Variants in CLIC5 observed in about 807,000 individuals in gnomAD.
The protein encoded by CLIC5 is CLIC family member 5, also known as chloride intracellular channel protein 5.
Under a neutral mutation model 24.7 loss-of-function variants are expected in CLIC5, and 20 were observed. That is an observed-to-expected ratio of 0.81 (90% CI 0.57 to 1.18). CLIC5 has a LOEUF of 1.18. CLIC5 is among the 50% of genes most tolerant of loss of function. The pLI is 0.00. For synonymous variants in CLIC5, 159 were observed against 135.6 expected (o/e 1.17, Z -1.20); for missense variants, 341 against 326.1 (o/e 1.05, Z -0.35).
chr6:46,110,557 A>G, the CLIC5 span, among the ~76,000 whole-genome samples: 1 of 152,228 alleles, frequency 6.6e-6, no homozygotes, highest in Admixed American at 6.5e-5. Flanking sequence ...GTATGACCAG[A>G]CTGCTTTGAG....
Position 45,949,394 on chromosome 6 carries a change from C to A in CLIC5, c.174-13G>T, listed in dbSNP as rs757062154. 4.3e-6 allele frequency: 7 copies of A among 1,610,090 alleles called. No individual in the cohort carries two copies. The highest frequency in any genetic ancestry group is 4.2e-6 in the Non-Finnish European group (5 of 1,178,270). On this transcript the variant is annotated splice_polypyrimidine_tract_variant and intron_variant, in intron 2 of 5. Coordinates refer to ENST00000339561, the MANE Select transcript of CLIC5 (RefSeq NM_016929.5). ...GTCAGCTGGCTTTCTGTAGAGAGAG[C>A]AAGATTCAGGTGTTGGCTTACAGCA...
chr6:46,060,939 C>T (rs909056755), intron 1 of CLIC5, among the ~76,000 whole-genome samples: 2 of 152,168 alleles, frequency 1.3e-5, no homozygotes, highest in Non-Finnish European at 2.9e-5. Flanking sequence ...ACAGAAAGAA[C>T]GAACCCCCAA....
intron 1 of CLIC5, among the ~76,000 whole-genome samples, chr6:45,991,201 G>T (rs940121706): frequency 2.6e-5 from 4 of 152,226 alleles, no homozygotes; most frequent in African/African-American, 9.6e-5. Flanking sequence ...GCCTAAATCA[G>T]TTGCTTTTGA....
intron 1 of CLIC5, among the ~76,000 whole-genome samples, chr6:46,035,541 AT>A (rs2127457948): frequency 6.6e-6 from 1 of 152,200 alleles, no homozygotes; most frequent in South Asian, 2.1e-4. Flanking sequence ...ATCTTGCAGA[AT>A]TGTGTCTGAA....
At chr6:46,118,180 T>C in the CLIC5 span, among the ~76,000 whole-genome samples, 1 of 152,262 alleles carries the variant, frequency 6.6e-6, no homozygotes, top group African/African-American at 2.4e-5. Flanking sequence ...TTTCTCTTGC[T>C]TAGCATTTAT....
At chr6:46,043,004 G>A (rs538164263) in intron 1 of CLIC5, among the ~76,000 whole-genome samples, 21 of 152,304 alleles carry the variant, frequency 1.4e-4, no homozygotes, top group Non-Finnish European at 2.6e-4. Context: ...CAAGGAGCAA[G>A]GTTGCTGACT....
At chr6:46,006,002 A>ATATGTATATATATATATATT (rs1330895254) in intron 1 of CLIC5, among the ~76,000 whole-genome samples, 1 of 107,488 alleles carries the variant, frequency 9.3e-6, no homozygotes, top group African/African-American at 3.7e-5. Context: ...ATATATATTT[A>ATATGTATATATATATATATT]TATATATATA....
chr6:46,114,129 G>A, the CLIC5 span, among the ~76,000 whole-genome samples: 1 of 152,192 alleles, frequency 6.6e-6, no homozygotes, highest in African/African-American at 2.4e-5. Flanking sequence ...GAGTAGGCCA[G>A]CAGCCCCAAG....
At chr6:45,918,969 G>C in intron 4 of CLIC5, 2 of 985,400 alleles carry the variant, frequency 2.0e-6, no homozygotes, top group Non-Finnish European at 2.4e-6. Flanking sequence ...CACACACATA[G>C]CTGGTCCTTA....
At chr6:46,010,465 C>T (rs1476178843) in intron 1 of CLIC5, among the ~76,000 whole-genome samples, 1 of 152,256 alleles carries the variant, frequency 6.6e-6, no homozygotes, top group Non-Finnish European at 1.5e-5. Context: ...AAGTTTCACT[C>T]TTCCACCACA....
upstream of CLIC5, among the ~76,000 whole-genome samples, chr6:46,016,976 A>G (rs1017238551): frequency 3.1e-4 from 47 of 152,336 alleles, no homozygotes; most frequent in African/African-American, 1.1e-3. Flanking sequence ...GACTATCATG[A>G]CTACTCTGTC....
intron 1 of CLIC5, among the ~76,000 whole-genome samples, chr6:45,971,390 G>A (rs1026973153): frequency 6.6e-6 from 1 of 152,032 alleles, no homozygotes; most frequent in African/African-American, 2.4e-5. Context: ...ATTTTATTAT[G>A]GTCATCTCGT....
intron 4 of CLIC5, among the ~76,000 whole-genome samples, chr6:45,930,922 C>T (rs1020330908): frequency 2.0e-5 from 3 of 152,232 alleles, no homozygotes; most frequent in Non-Finnish European, 2.9e-5. Flanking sequence ...TAGCCACGGA[C>T]TGCCTAAGAT....
chr6:45,903,663 A>T (rs1457669111), intron 5 of CLIC5, among the ~76,000 whole-genome samples: 2 of 152,232 alleles, frequency 1.3e-5, no homozygotes, highest in East Asian at 3.8e-4. Context: ...ATTAAAAATG[A>T]TGCTGCTAAG....
intron 1 of CLIC5, among the ~76,000 whole-genome samples, chr6:46,022,084 T>G (rs7762411): frequency 3.9e-5 from 6 of 152,220 alleles, no homozygotes; most frequent in African/African-American, 1.4e-4. Flanking sequence ...TTCTATTTTA[T>G]GAGATGCAGT....
At chr6:45,883,588 C>T (rs966345816) in intron 6 of CLIC5, among the ~76,000 whole-genome samples, 2 of 152,182 alleles carry the variant, frequency 1.3e-5, no homozygotes, top group South Asian at 4.1e-4. Context: ...CTATAGTGTA[C>T]TGTGCTGGTT....
At chr6:46,118,893 G>C in the CLIC5 span, among the ~76,000 whole-genome samples, 2 of 152,274 alleles carry the variant, frequency 1.3e-5, no homozygotes, top group Admixed American at 1.3e-4. Context: ...GAGAAGGGGA[G>C]ATATTATCTT....
the CLIC5 span, chr6:46,129,541 G>C: frequency 2.6e-5 from 4 of 152,204 alleles, no homozygotes; most frequent in Non-Finnish European, 5.9e-5. Context: ...TATCCAGTAA[G>C]ACGGACAGAC....
chr6:46,104,898 C>T, the CLIC5 span, among the ~76,000 whole-genome samples: 1 of 152,152 alleles, frequency 6.6e-6, no homozygotes, highest in Admixed American at 6.5e-5. Flanking sequence ...GAAGTCTAGT[C>T]CAGCTTGCAG....
Sources: allele counts gnomAD v4.1 joint callset (sites outside exome capture counted in the v4.1 genomes callset), GRCh38; gene constraint gnomAD v4.1.1; transcripts MANE v1.5; gene names NCBI Gene and HGNC (gene_info 2026-07-23, HGNC 2026-07-21).